The following GSTK1 variants were observed in gnomAD, a reference collection of about 807,000 sequenced individuals.
The protein encoded by GSTK1 is GST class-kappa.
Under a neutral mutation model 30.9 loss-of-function variants are expected in GSTK1, and 25 were observed. That is an observed-to-expected ratio of 0.81 (90% confidence interval 0.59 to 1.13). The LOEUF (loss-of-function observed/expected upper bound fraction) is 1.13, where lower values mean the gene tolerates loss of function less well. Ranked by LOEUF, GSTK1 falls within the 50% of genes most tolerant of loss-of-function variation. GSTK1 has a pLI of 0.00. For missense variants in GSTK1, 292 were observed against 292.4 expected, an observed-to-expected ratio of 1.00 and a Z score of 0.01; for synonymous variants, 108 against 112.5, an observed-to-expected ratio of 0.96 and a Z score of 0.25.
chr7:143,266,223 G>T (rs1800875560), intron 5 of GSTK1, among the ~76,000 whole-genome samples: 1 of 151,548 alleles, frequency 6.6e-6, no homozygotes, highest in Non-Finnish European at 1.5e-5. Context: ...TAGAGAAGGG[G>T]TTTCACTGTG....
chr7:143,266,808 G>A lies in GSTK1; in HGVS notation c.421-809G>A, dbSNP rs146425430. On this transcript the variant is annotated intron_variant, in intron 5 of 7. Coordinates refer to ENST00000358406, the MANE Select transcript of GSTK1 (RefSeq NM_015917.3). ...TACGAGTAGCTGGGACTTCAAGCAT[G>A]TGCCACCATGCCTAATTTTTTAAAA... 1.4e-4 allele frequency among the ~76,000 whole-genome samples: 21 copies of A among 151,644 alleles called. No homozygotes were observed. In the East Asian group the frequency reaches 3.9e-3, roughly 28 times the overall value.
At chr7:143,267,964 G>A in intron 6 of GSTK1, 127 bp from the exon 7 acceptor site, 1 of 746,838 alleles carries the variant, frequency 1.3e-6, no homozygotes, top group South Asian at 1.7e-5. Context: ...GAAGGCACCT[G>A]GGGCCACAGA....
intron 3 of GSTK1, 154 bp downstream of exon 3, chr7:143,264,830 C>CGG: frequency 1.5e-6 from 2 of 1,301,274 alleles, no homozygotes; most frequent in Non-Finnish European, 2.1e-6. Flanking sequence ...TGAAGGTTGC[C>CGG]GGGCATGAAA....
At position 143,268,755 on chromosome 7, in the gene GSTK1, C is replaced by G. The variant is rs372477626; in HGVS notation, c.632-33C>G. On this transcript the variant is annotated intron_variant, in intron 7 of 7. Coordinates refer to ENST00000358406, the MANE Select transcript of GSTK1 (RefSeq NM_015917.3). This position sits in a 1 kb window ranked among gnomAD's most constrained non-coding sequence, Gnocchi z 4.1. ...CTCCTGCTGCCAGAACACCTGAGAA[C>G]AGTGTGCAGAGTCTGTTGTTTTCTT... The G allele has an allele frequency of 5.3e-4, 858 of 1,604,608 alleles. 9 individuals are homozygous for G. In the South Asian group the frequency reaches 8.9e-3, roughly 17 times the overall value.
chr7:143,266,836 T>G (rs1358038417), intron 5 of GSTK1, among the ~76,000 whole-genome samples: 2 of 151,742 alleles, frequency 1.3e-5, no homozygotes, highest in African/African-American at 4.8e-5. Context: ...TTTTAAAAAT[T>G]TTTTGTAGAG....
chr7:143,264,726 C>A (rs779712756), intron 3 of GSTK1, 50 bp downstream of exon 3: 2 of 1,608,556 alleles, frequency 1.2e-6, no homozygotes, highest in East Asian at 2.2e-5. Context: ...ACACAGAAGT[C>A]GGAGATTGAG....
intron 5 of GSTK1, among the ~76,000 whole-genome samples, chr7:143,266,260 TG>T (rs959532292): frequency 7.2e-5 from 11 of 151,784 alleles, no homozygotes; most frequent in African/African-American, 2.7e-4. Context: ...CAAACTCCTG[TG>T]CTCAAGAGAT....
intron 1 of GSTK1, 190 bp from the exon 2 acceptor site, chr7:143,263,896 A>G (rs1032322264): frequency 1.6e-6 from 1 of 616,196 alleles, no homozygotes; most frequent in Non-Finnish European, 2.9e-6. Context: ...TTTTGGGGAA[A>G]ACTGGCCACA....
chr7:143,263,685 C>T (rs1364279654), intron 1 of GSTK1, 100 bp downstream of exon 1: 3 of 1,155,404 alleles, frequency 2.6e-6, no homozygotes, highest in African/African-American at 3.0e-5. Flanking sequence ...TAACTCCTGG[C>T]GCCGCCCAAG....
rs185205025 is a variant in GSTK1 at position 143,267,175 on chromosome 7, A to T, written c.421-442A>T. On this transcript the variant is annotated intron_variant, in intron 5 of 7. Transcript: ENST00000358406. ...CACTGGAATTACAGCCTAGCTCTTGATTCAAAAAAAGCATGAGATACTTAG... is the reference window on the plus strand; with the variant it reads ...CACTGGAATTACAGCCTAGCTCTTGTTTCAAAAAAAGCATGAGATACTTAG... Among the ~76,000 whole-genome samples, 197 of 152,302 alleles carry T rather than the reference A, an allele frequency of 1.3e-3. 1 individual carries two copies. Among genetic ancestry groups the T allele is most frequent in the African/African-American group, 3.5e-3 (144 of 41,566 alleles).
chr7:143,264,489 C>T, intron 2 of GSTK1, 59 bp from the exon 3 acceptor site: 1 of 1,596,364 alleles, frequency 6.3e-7, no homozygotes, highest in Non-Finnish European at 8.6e-7. Flanking sequence ...CGTCGAGGTC[C>T]CCAAACCTGG....
Position 143,267,646 on chromosome 7 carries a change from A to G in GSTK1, c.450A>G (p.Glu150=), listed in dbSNP as rs2116704690. Residue 150 remains glutamate (E), a synonymous_variant, in exon 6 of 8, where the codon GAA becomes GAG. Transcript: ENST00000358406. ...AAAEKAGMSA[E]QAQGLLEKIA... ...CAGAGAAGGCTGGTATGTCTGCAGA[A>G]CAAGCCCAGGGACTTCTGGAAAAGA... 1 of 1,614,174 alleles carries G rather than the reference A, an allele frequency of 6.2e-7. No homozygotes were observed. The highest frequency in any genetic ancestry group is 2.2e-5 in the East Asian group (1 of 44,880).
In GSTK1 at chr7:143,268,797, G is replaced by A. The variant is rs754906496; in HGVS notation, c.641G>A (p.Trp214Ter). The change falls in exon 8 of 8, where the codon TGG becomes TAG. Residue 214 changes from tryptophan (W) to a stop codon, truncating the protein, a stop_gained. Coordinates refer to ENST00000358406, the MANE Select transcript of GSTK1 (RefSeq NM_015917.3). LOFTEE classifies it high-confidence loss of function. This position sits in a 1 kb window ranked among gnomAD's most constrained non-coding sequence, Gnocchi z 4.1. The stretch of plus-strand genomic sequence containing the variant: ...TGTTTTCTTCATCCAGGAGAGAAGT[G>A]GATGGGCCCTATACCTCCAGCCGTG... ...ELLAHLLGEK[W>*]MGPIPPAVNA... The A allele has an allele frequency of 1.9e-6, 3 of 1,613,976 alleles. No individual in the cohort carries two copies. The highest frequency in any genetic ancestry group is 2.5e-6 in the Non-Finnish European group (3 of 1,179,876).
intron 5 of GSTK1, among the ~76,000 whole-genome samples, chr7:143,267,018 T>C (rs1586426919): frequency 6.6e-6 from 1 of 152,234 alleles, no homozygotes; most frequent in East Asian, 1.9e-4. Flanking sequence ...GAGTTTCAGA[T>C]GGGCAGCCAA....
At position 143,264,060 on chromosome 7, in the gene GSTK1, C is replaced by A. The variant is rs373222986; in HGVS notation, c.73-26C>A. On this transcript the variant is annotated intron_variant, in intron 1 of 7. Transcript: ENST00000358406. ...TTCACTTTTCCATCTTGCACACTGG[C>A]AATCGTTCTTGACCTCTGCCCGCAG... 1.4e-4 allele frequency: 217 copies of A among 1,607,318 alleles called. 1 individual carries two copies. The highest frequency in any genetic ancestry group is 6.6e-4 in the Middle Eastern group (4 of 6,044).
intron 1 of GSTK1, 78 bp from the exon 2 acceptor site, chr7:143,264,008 C>T (rs755793137): frequency 8.2e-5 from 107 of 1,305,544 alleles, no homozygotes; most frequent in Non-Finnish European, 1.1e-4. Context: ...CTGCACTTAG[C>T]GCCTCCCTTC....
At position 143,265,158 on chromosome 7, in the gene GSTK1, C is replaced by T; in HGVS notation, c.384+66C>T. Reference sequence around the variant, plus strand: ...ATGACTTTCTGACCTTCCCCAGGCACGTTTTCAGGGTCATGATCCTGCCCC... The same window carrying T: ...ATGACTTTCTGACCTTCCCCAGGCATGTTTTCAGGGTCATGATCCTGCCCC... On this transcript the variant is annotated intron_variant, in intron 4 of 7. Coordinates refer to ENST00000358406, the MANE Select transcript of GSTK1 (RefSeq NM_015917.3). 1.9e-6 allele frequency: 3 copies of T among 1,611,958 alleles called. No individual in the cohort carries two copies. The South Asian group carries it at 3.3e-5, about 18-fold the overall frequency.
intron 3 of GSTK1, 134 bp downstream of exon 3, chr7:143,264,810 T>C (rs1800824616): frequency 1.5e-6 from 2 of 1,362,328 alleles, no homozygotes; most frequent in African/African-American, 1.4e-5. Flanking sequence ...AGGATCAGCC[T>C]TGAGCGAGCT....
Position 143,268,901 on chromosome 7 carries a change from C to T in GSTK1, c.*64C>T. On this transcript the variant is annotated 3_prime_UTR_variant, in exon 8 of 8. Coordinates refer to ENST00000358406, the MANE Select transcript of GSTK1 (RefSeq NM_015917.3). The surrounding 1 kb of genome is among the most constrained non-coding windows in gnomAD (Gnocchi z 4.1). Reference sequence around the variant, plus strand: ...CAGGCCATCTGCTTAACCCTTGGCTCCACCATAAGGCACTGGGACTCGGAT... The same window carrying T: ...CAGGCCATCTGCTTAACCCTTGGCTTCACCATAAGGCACTGGGACTCGGAT... 7.3e-7 allele frequency: 1 copy of T among 1,375,440 alleles called. No individual in the cohort carries two copies. Among genetic ancestry groups the T allele is most frequent in the Non-Finnish European group, 1.0e-6 (1 of 962,808 alleles). 85.2% of individuals were successfully genotyped at this position (1,375,440 alleles called of 1,614,324 possible). A position where few individuals can be genotyped will look rare whatever the true frequency, so the allele number is the denominator to read the frequency against.
Sources: gnomAD v4.1 joint callset for allele counts (sites outside exome capture counted in the v4.1 genomes callset) on GRCh38, gnomAD v4.1.1 for gene constraint, Gnocchi (gnomAD v3.1) non-coding constraint, MANE v1.5 for transcripts, NCBI Gene and HGNC (gene_info 2026-07-23, HGNC 2026-07-21) for gene names.